The following NRP1 variants were observed in gnomAD, a reference collection of about 807,000 sequenced individuals.
NRP1 encodes neuropilin-1.
NRP1 carries 35 observed loss-of-function variants against 106.7 expected under a neutral mutation model. The observed-to-expected ratio is 0.33, with a 90% CI of 0.25 to 0.43. The LOEUF is 0.43. Ranked by LOEUF, NRP1 falls within the 20% of genes least tolerant of loss-of-function variation. The pLI is 1.00. For missense variants in NRP1, 1,024 were observed against 1,170.4 expected, an observed-to-expected ratio of 0.87 and a Z score of 1.83; for synonymous variants, 437 against 417.9, an observed-to-expected ratio of 1.05 and a Z score of -0.56.
intron 2 of NRP1, among the ~76,000 whole-genome samples, chr10:33,302,817 A>G (rs1845898121): frequency 6.6e-6 from 1 of 152,232 alleles, no homozygotes; most frequent in African/African-American, 2.4e-5. Context: ...GGAAATAAGA[A>G]TAATGACTTC....
intron 2 of NRP1, among the ~76,000 whole-genome samples, chr10:33,305,544 G>A (rs956894160): frequency 2.6e-5 from 4 of 152,072 alleles, no homozygotes. Flanking sequence ...CGGGAATCCT[G>A]GGAACCAAGT....
chr10:33,256,415 A>T lies in NRP1; in HGVS notation c.715T>A (p.Ser239Thr). 6.2e-7 allele frequency: 1 copy of T among 1,614,234 alleles called. No individual in the cohort carries two copies. Among genetic ancestry groups the T allele is most frequent in the Non-Finnish European group, 8.5e-7 (1 of 1,180,026 alleles). ...AAAACCATGGAGAGAATGCCCGATGAGGATCGGATTCGACCTGGTGTTTTC... is the reference window on the plus strand; with the variant it reads ...AAAACCATGGAGAGAATGCCCGATGTGGATCGGATTCGACCTGGTGTTTTC... ...GQKTPGRIRS[S>T]SGILSMVFYT... The change falls in exon 5 of 17, where the codon TCA becomes ACA. Residue 239 changes from serine to threonine, a missense_variant. Physicochemically the swap from Ser to Thr is moderately conservative, Grantham distance 58 (BLOSUM62 1). Around this residue, in one of 5 missense-constraint regions of NRP1, gnomAD observed 279 missense variants for 327.4 expected, o/e 0.85. Transcript: ENST00000374867.
In NRP1 at chr10:33,334,304, A is replaced by C. The variant is rs1848482572; in HGVS notation, c.73+6T>G. The C allele has an allele frequency of 1.3e-6, 2 of 1,540,912 alleles. No individual in the cohort carries two copies. The highest frequency in any genetic ancestry group is 4.9e-5 in the East Asian group (2 of 40,618). On this transcript the variant is annotated splice_donor_region_variant and intron_variant, in intron 1 of 16. Transcript: ENST00000374867. Reference sequence around the variant, plus strand: ...GCTGTCACCCGCGCCTCTGCCTGTCACTTACCGTTGCGAAAAGCGCCGGCC... The same window carrying C: ...GCTGTCACCCGCGCCTCTGCCTGTCCCTTACCGTTGCGAAAAGCGCCGGCC...
chr10:33,191,149 C>T (rs1261204331), intron 13 of NRP1, among the ~76,000 whole-genome samples: 3 of 152,186 alleles, frequency 2.0e-5, no homozygotes, highest in Non-Finnish European at 4.4e-5. Context: ...TGAGCCACCA[C>T]GTCCAGTCTG....
intron 2 of NRP1, among the ~76,000 whole-genome samples, chr10:33,323,560 C>G (rs1327754093): frequency 6.6e-6 from 1 of 152,042 alleles, no homozygotes; most frequent in Non-Finnish European, 1.5e-5. Flanking sequence ...CTACTAACTG[C>G]CCTAGATACC....
At chr10:33,193,540 G>T (rs997535563) in intron 12 of NRP1, among the ~76,000 whole-genome samples, 13 of 152,164 alleles carry the variant, frequency 8.5e-5, no homozygotes, top group African/African-American at 2.9e-4. Flanking sequence ...TGGCAGCATT[G>T]AAACAAACAG....
At chr10:33,271,708 A>G (rs1437678434) in intron 2 of NRP1, among the ~76,000 whole-genome samples, 1 of 152,220 alleles carries the variant, frequency 6.6e-6, no homozygotes, top group Non-Finnish European at 1.5e-5. Flanking sequence ...TAAAAAGTTA[A>G]CACAAAGATA....
intron 12 of NRP1, chr10:33,194,607 C>T (rs1588696768): frequency 2.3e-6 from 1 of 433,904 alleles, no homozygotes; most frequent in Admixed American, 2.5e-5. Flanking sequence ...CCATCCTGTA[C>T]ATTTAACCAG....
chr10:33,274,888 A>G (rs371866608), intron 2 of NRP1, among the ~76,000 whole-genome samples: 1 of 152,180 alleles, frequency 6.6e-6, no homozygotes, highest in Non-Finnish European at 1.5e-5. Context: ...CACCAGCAAA[A>G]ATGTGTTTCT....
At position 33,178,921 on chromosome 10, in the gene NRP1, C is replaced by G. The variant is rs966909562; in HGVS notation, c.*1155G>C. Reference sequence around the variant, plus strand: ...TTTTAAACATAAAGTCTAGTAAAATCGTTTGCCATTCCCAGCAGGTTAAAG... The same window carrying G: ...TTTTAAACATAAAGTCTAGTAAAATGGTTTGCCATTCCCAGCAGGTTAAAG... On this transcript the variant is annotated 3_prime_UTR_variant, in exon 17 of 17. Coordinates refer to ENST00000374867, the MANE Select transcript of NRP1 (RefSeq NM_003873.7). 6.6e-6 allele frequency: 1 copy of G among 152,622 alleles called. No homozygotes were observed. Among genetic ancestry groups the G allele is most frequent in the Non-Finnish European group, 1.5e-5 (1 of 68,042 alleles). The allele number at this position is 152,622 out of a possible 1,614,324, so 9.5% of individuals were successfully genotyped here.
At chr10:33,213,220 A>G (rs1159799033) in intron 9 of NRP1, 166 bp downstream of exon 9, 11 of 1,552,286 alleles carry the variant, frequency 7.1e-6, no homozygotes, top group African/African-American at 1.4e-5. Context: ...TTTTCATGCC[A>G]TATTCCTGTC....
chr10:33,230,477 A>C (rs1840022412), intron 6 of NRP1, among the ~76,000 whole-genome samples: 1 of 152,138 alleles, frequency 6.6e-6, no homozygotes, highest in East Asian at 1.9e-4. Context: ...AGGGGGCATA[A>C]ATTCTCCCCC....
chr10:33,297,294 T>C (rs1845455945), intron 2 of NRP1, among the ~76,000 whole-genome samples: 1 of 152,226 alleles, frequency 6.6e-6, no homozygotes, highest in African/African-American at 2.4e-5. Context: ...CCATTTGCAA[T>C]GAATTTGTCA....
At position 33,192,348 on chromosome 10, in the gene NRP1, A is replaced by G. The variant is rs747468599; in HGVS notation, c.1995T>C (p.His665=). The G allele has an allele frequency of 6.8e-6, 11 of 1,613,768 alleles. No individual in the cohort carries two copies. The highest frequency in any genetic ancestry group is 5.0e-5 in the Admixed American group (3 of 59,976). ...GSHKTFCHWE[H]DNHVQLKWSV... is the part of the protein sequence containing the mutation. The stretch of plus-strand genomic sequence containing the variant: ...TCCACTTGAGCTGCACGTGATTGTC[A>G]TGTTCCCAGTGGCAGAAGGTCTTGT... The change falls in exon 13 of 17, where the codon CAT becomes CAC. Residue 665 remains histidine (H), a synonymous_variant. Transcript: ENST00000374867.
rs1014030560 is a variant in NRP1, at chr10:33,186,283, A to C, written c.2268T>G (p.Ile756Met). The change falls in exon 14 of 17, where the codon ATT (isoleucine) becomes ATG (methionine). Residue 756 changes from isoleucine to methionine, a missense_variant. By Grantham distance (10) the Ile-to-Met change is conservative. Transcript: ENST00000374867. ...CCTTCCAGTGGTCACCTTGGTGTCC[A>C]ATGGCCATCCAGACCAGCTGATCGT... Reference protein sequence around the residue: ...EEYDQLVWMAIGHQGDHWKEG... With the variant: ...EEYDQLVWMAMGHQGDHWKEG... 2.5e-6 allele frequency: 4 copies of C among 1,614,092 alleles called. No homozygotes were observed. The highest frequency in any genetic ancestry group is 2.5e-6 in the Non-Finnish European group (3 of 1,179,990).
At chr10:33,287,109 C>T (rs572656620) in intron 2 of NRP1, among the ~76,000 whole-genome samples, 9 of 152,234 alleles carry the variant, frequency 5.9e-5, no homozygotes, top group East Asian at 5.8e-4. Context: ...TATTCACCAA[C>T]GAACATACAC....
At chr10:33,290,857 C>T (rs889379869) in intron 2 of NRP1, among the ~76,000 whole-genome samples, 3 of 152,150 alleles carry the variant, frequency 2.0e-5, no homozygotes, top group Non-Finnish European at 4.4e-5. Flanking sequence ...AGTTGGGCCT[C>T]AAGGTGCGTG....
At chr10:33,332,677 C>T (rs563979130) in intron 1 of NRP1, among the ~76,000 whole-genome samples, 2 of 152,236 alleles carry the variant, frequency 1.3e-5, no homozygotes, top group South Asian at 4.2e-4. Context: ...GACCATTAGT[C>T]CTAAATAAGG....
chr10:33,254,638 A>G (rs559873638), intron 5 of NRP1, among the ~76,000 whole-genome samples: 2 of 152,322 alleles, frequency 1.3e-5, no homozygotes, highest in East Asian at 1.9e-4. Context: ...TTCATACTCA[A>G]TGGATGGTAG....
Sources: allele counts gnomAD v4.1 joint callset (sites outside exome capture counted in the v4.1 genomes callset), GRCh38; gene constraint gnomAD v4.1.1; regional missense constraint gnomAD v4.1.1; transcripts MANE v1.5; gene names NCBI Gene and HGNC (gene_info 2026-07-23, HGNC 2026-07-21).